The following TRIM2 variants were observed in gnomAD, a reference collection of about 807,000 sequenced individuals.
TRIM2 encodes tripartite motif containing 2, also known as tripartite motif-containing protein 2.
In TRIM2, 20 loss-of-function variants were observed where a neutral mutation model predicts 75.2. The ratio of observed to expected loss-of-function variants is 0.27; its 90% confidence interval spans 0.19 to 0.39. The LOEUF (loss-of-function observed/expected upper bound fraction) is 0.39. TRIM2 is among the 10% of genes least tolerant of loss of function. TRIM2 has a pLI of 1.00. For missense variants in TRIM2, 660 were observed against 990.8 expected, an observed-to-expected ratio of 0.67 and a Z score of 4.48; for synonymous variants, 373 against 388.3, an observed-to-expected ratio of 0.96 and a Z score of 0.46.
At chr4:153,318,973 A>G (rs1768312897) in intron 8 of TRIM2, among the ~76,000 whole-genome samples, 1 of 152,214 alleles carries the variant, frequency 6.6e-6, no homozygotes, top group African/African-American at 2.4e-5. Context: ...TCAAAACCCA[A>G]AGGGTAAAAG....
chr4:153,274,151 C>T (rs1484035701), intron 2 of TRIM2, among the ~76,000 whole-genome samples: 1 of 152,166 alleles, frequency 6.6e-6, no homozygotes, highest in Non-Finnish European at 1.5e-5. Flanking sequence ...TGGCTTTCAT[C>T]TCAGATGGTG....
chr4:153,172,921 AG>A (rs1731030906), intron 1 of TRIM2, among the ~76,000 whole-genome samples: 1 of 152,164 alleles, frequency 6.6e-6, no homozygotes, highest in Admixed American at 6.5e-5. Context: ...TGAATGTGGG[AG>A]GTAGAAGGGC....
At chr4:153,296,637 G>T (rs947153983) in intron 6 of TRIM2, among the ~76,000 whole-genome samples, 1 of 152,334 alleles carries the variant, frequency 6.6e-6, no homozygotes, top group Middle Eastern at 3.4e-3. Flanking sequence ...GTTGAGGCGG[G>T]GTTGGGGTGG....
In TRIM2 at chr4:153,337,109, C is replaced by T. The variant is rs920107079; in HGVS notation, c.*2143C>T. 5 of 985,282 alleles carry T rather than the reference C, an allele frequency of 5.1e-6. No individual in the cohort carries two copies. In the East Asian group the frequency reaches 4.5e-4, roughly 89 times the overall value. The allele number at this position is 985,282 out of a possible 1,614,324, so 61.0% of individuals were successfully genotyped here. A position where few individuals can be genotyped will look rare whatever the true frequency, so the allele number is the denominator to read the frequency against. ...GGAATTTCATTTTGCCACGTACTAA[C>T]GTTCTGCACAAAAGACAGGCTAGAC... is the stretch of plus-strand genomic sequence containing the variant. On this transcript the variant is annotated 3_prime_UTR_variant, in exon 12 of 12. Transcript: ENST00000338700.
chr4:153,171,657 G>A (rs950103164), intron 1 of TRIM2, among the ~76,000 whole-genome samples: 2 of 137,560 alleles, frequency 1.5e-5, no homozygotes, highest in South Asian at 2.3e-4. Flanking sequence ...AAGATAGTAC[G>A]TCCTGGTTTA....
At chr4:153,322,219 C>T (rs1394502920) in intron 8 of TRIM2, among the ~76,000 whole-genome samples, 2 of 152,038 alleles carry the variant, frequency 1.3e-5, no homozygotes, top group East Asian at 3.9e-4. Context: ...ACGAGCCTGG[C>T]CAACAAAGTG....
In TRIM2 at chr4:153,248,709, TC is replaced by T. The variant is rs903305538; in HGVS notation, c.31-21625del. ...TCTGACTTTCATCATAGGATTCTAATCGTGGATGAAAGTGACCCTGAGTTGT... is the reference window on the plus strand; with the variant it reads ...TCTGACTTTCATCATAGGATTCTAATGTGGATGAAAGTGACCCTGAGTTGT... On this transcript the variant is annotated intron_variant, in intron 1 of 11. Coordinates refer to ENST00000338700, the MANE Select transcript of TRIM2 (RefSeq NM_015271.5). The surrounding 1 kb of genome is among the most constrained non-coding windows in gnomAD (Gnocchi z 4.0). Among the ~76,000 whole-genome samples the T allele has an allele frequency of 3.9e-5, 6 of 152,240 alleles. No individual in the cohort carries two copies. Among genetic ancestry groups the T allele is most frequent in the African/African-American group, 1.4e-4 (6 of 41,456 alleles).
Position 153,163,493 on chromosome 4 carries a change from A to ATATTTTTTTTTTTTTTTTTTTTTTTTTT in TRIM2, c.-49+10224_-49+10225insATTTTTTTTTTTTTTTTTTTTTTTTTTT, listed in dbSNP as rs1390228832. Among the ~76,000 whole-genome samples, 2 of 80,882 alleles carry ATATTTTTTTTTTTTTTTTTTTTTTTTTT rather than the reference A, an allele frequency of 2.5e-5. 1 individual carries two copies. 53.1% of individuals were successfully genotyped at this position (80,882 alleles called of 152,430 possible). A position where few individuals can be genotyped will look rare whatever the true frequency, so the allele number is the denominator to read the frequency against. ...ACCACTGCACCCAACCTAGATTTAC[A>ATATTTTTTTTTTTTTTTTTTTTTTTTTT]TCTTTTTTTTTTTTTTTTTTTTTTT... is the stretch of plus-strand genomic sequence containing the variant. On this transcript the variant is annotated intron_variant, in intron 1 of 11. Transcript: ENST00000437508.
chr4:153,171,450 G>C (rs1730838980), intron 1 of TRIM2, among the ~76,000 whole-genome samples: 1 of 152,180 alleles, frequency 6.6e-6, no homozygotes, highest in Non-Finnish European at 1.5e-5. Flanking sequence ...GCCAGGCATG[G>C]TGGCGGGTGC....
chr4:153,244,144 GTTC>G (rs766874717), intron 1 of TRIM2, among the ~76,000 whole-genome samples: 38 of 130,092 alleles, frequency 2.9e-4, no homozygotes, highest in Middle Eastern at 4.3e-3. Flanking sequence ...TCTTCTTCTT[GTTC>G]TTCTTGTTCT....
At chr4:153,225,944 C>T (rs962063040) in intron 1 of TRIM2, among the ~76,000 whole-genome samples, 1 of 152,296 alleles carries the variant, frequency 6.6e-6, no homozygotes, top group African/African-American at 2.4e-5. Context: ...AATCATGGTT[C>T]ACAGCATCTT....
At chr4:153,316,031 A>G (rs1231658257) in intron 8 of TRIM2, 32 bp downstream of exon 8, 1 of 1,513,164 alleles carries the variant, frequency 6.6e-7, no homozygotes, top group Non-Finnish European at 8.8e-7. Context: ...TCACTAAACA[A>G]TGGAGAGAAG....
chr4:153,261,486 A>C (rs1248186323), intron 1 of TRIM2, among the ~76,000 whole-genome samples: 1 of 152,188 alleles, frequency 6.6e-6, no homozygotes, highest in Non-Finnish European at 1.5e-5. Context: ...AAAGAGAAGC[A>C]ATAACGCAGG....
At chr4:153,203,435 A>ACACAC (rs1239328811), upstream of TRIM2, among the ~76,000 whole-genome samples, 65 of 151,358 alleles carry the variant, frequency 4.3e-4, no homozygotes, top group African/African-American at 1.5e-3. Flanking sequence ...ACACACACGA[A>ACACAC]GAAGAACATA....
chr4:153,324,051 A>G lies in TRIM2; in HGVS notation c.1952-27A>G, dbSNP rs764705047. 5 of 1,591,030 alleles carry G rather than the reference A, an allele frequency of 3.1e-6. No individual in the cohort carries two copies. The Admixed American group carries it at 8.4e-5, about 27-fold the overall frequency. On this transcript the variant is annotated intron_variant, in intron 9 of 11. Coordinates refer to ENST00000338700, the MANE Select transcript of TRIM2 (RefSeq NM_015271.5). ...TGTAATCACTTTTGTTGTAGTCATC[A>G]CATATTTTTTTCCATCTTTATTGCA...
In TRIM2 at chr4:153,335,475, ATAAAT is replaced by A; in HGVS notation, c.*512_*516del. 2.0e-6 allele frequency: 2 copies of A among 985,476 alleles called. No homozygotes were observed. Among genetic ancestry groups the A allele is most frequent in the Non-Finnish European group, 2.4e-6 (2 of 829,936 alleles). 61.0% of individuals were successfully genotyped at this position (985,476 alleles called of 1,614,324 possible). Reference sequence around the variant, plus strand: ...TTTTTTTGGTTATCAACAACTAAATATAAATTACTTTGGAAAAAGTAAGGCTGTCT... The same window carrying A: ...TTTTTTTGGTTATCAACAACTAAATATACTTTGGAAAAAGTAAGGCTGTCT... On this transcript the variant is annotated 3_prime_UTR_variant, in exon 12 of 12. Transcript: ENST00000338700.
chr4:153,321,273 A>G (rs1158658503), intron 8 of TRIM2, among the ~76,000 whole-genome samples: 2 of 152,260 alleles, frequency 1.3e-5, no homozygotes, highest in Non-Finnish European at 2.9e-5. Context: ...TTTGTTTGCC[A>G]TGTGCCTAGA....
At chr4:153,193,665 T>G (rs1292544250) in intron 1 of TRIM2, among the ~76,000 whole-genome samples, 1 of 152,170 alleles carries the variant, frequency 6.6e-6, no homozygotes, top group Non-Finnish European at 1.5e-5. Flanking sequence ...ATAGGCGCAG[T>G]CATGAATCAC....
intron 1 of TRIM2, among the ~76,000 whole-genome samples, chr4:153,205,504 C>G (rs1735151012): frequency 6.6e-6 from 1 of 152,090 alleles, no homozygotes; most frequent in Admixed American, 6.5e-5. Context: ...AGAAAGTCCT[C>G]CTCCTCCTGC....
Sources: allele counts gnomAD v4.1 joint callset (sites outside exome capture counted in the v4.1 genomes callset), GRCh38; gene constraint gnomAD v4.1.1; non-coding constraint Gnocchi (gnomAD v3.1); transcripts MANE v1.5; gene names NCBI Gene and HGNC (gene_info 2026-07-23, HGNC 2026-07-21).